EDEM1: variants seen among roughly 807,000 people sequenced by gnomAD.
EDEM1 encodes the protein ER degradation-enhancing alpha-mannosidase-like protein 1.
Under a neutral mutation model 74.4 loss-of-function variants are expected in EDEM1, and 67 were observed. The observed-to-expected ratio is 0.90, with a 90% CI of 0.74 to 1.10. The LOEUF (loss-of-function observed/expected upper bound fraction) is 1.10, where lower values mean the gene tolerates loss of function less well. Ranked by LOEUF, EDEM1 falls within the 50% of genes least tolerant of loss-of-function variation. EDEM1 has a pLI of 0.00. For synonymous variants in EDEM1, 382 were observed against 335.9 expected (o/e 1.14, Z -1.50); for missense variants, 926 against 851.6 (o/e 1.09, Z -1.09).
intron 8 of EDEM1, among the ~76,000 whole-genome samples, chr3:5,209,466 T>G (rs2055140601): frequency 1.3e-5 from 2 of 152,336 alleles, no homozygotes; most frequent in South Asian, 4.1e-4. Context: ...CTTGCACTCT[T>G]CAGCTTTACC....
In EDEM1 at chr3:5,213,373, A is replaced by C. The variant is rs2055190885; in HGVS notation, c.1735A>C (p.Thr579Pro). The C allele has an allele frequency of 6.2e-7, 1 of 1,614,126 alleles. No homozygotes were observed. Among genetic ancestry groups the C allele is most frequent in the Non-Finnish European group, 8.5e-7 (1 of 1,180,002 alleles). ...HKSGTRYMFT[T>P]EGHIVSVDEH... Reference sequence around the variant, plus strand: ...GTCTGGAACCAGATACATGTTCACAACAGAGGGACACATTGTATCTGTGGA... The same window carrying C: ...GTCTGGAACCAGATACATGTTCACACCAGAGGGACACATTGTATCTGTGGA... Residue 579 changes from threonine to proline, a missense_variant, in exon 11 of 12, where the codon ACA becomes CCA. Physicochemically the swap from Thr to Pro is conservative, Grantham distance 38. Coordinates refer to ENST00000256497, the MANE Select transcript of EDEM1 (RefSeq NM_014674.3).
intron 6 of EDEM1, among the ~76,000 whole-genome samples, chr3:5,205,672 T>C (rs1362315664): frequency 1.3e-5 from 2 of 152,248 alleles, no homozygotes; most frequent in African/African-American, 4.8e-5. Context: ...AGGGCTCAGT[T>C]CTTTGCCAAG....
In EDEM1 at chr3:5,188,936, C is replaced by T. The variant is rs552654397; in HGVS notation, c.509+622C>T. On this transcript the variant is annotated intron_variant, in intron 1 of 11. Transcript: ENST00000256497. Reference sequence around the variant, plus strand: ...AGCTATGTGGCCCACTTTTGGGGTCCAGATACTTGAGGTGAAATTCACTGG... The same window carrying T: ...AGCTATGTGGCCCACTTTTGGGGTCTAGATACTTGAGGTGAAATTCACTGG... 8.5e-5 allele frequency among the ~76,000 whole-genome samples: 13 copies of T among 152,266 alleles called. No individual in the cohort carries two copies. In the South Asian group the frequency reaches 2.7e-3, roughly 32 times the overall value.
At chr3:5,193,193 G>A (rs1430653200) in intron 1 of EDEM1, among the ~76,000 whole-genome samples, 1 of 152,156 alleles carries the variant, frequency 6.6e-6, no homozygotes, top group Non-Finnish European at 1.5e-5. Context: ...GCTACATGAT[G>A]AGGGAGCTGT....
rs572817364 is a variant in EDEM1 at position 5,202,295 on chromosome 3, C to T, written c.858+371C>T. 2.6e-5 allele frequency among the ~76,000 whole-genome samples: 4 copies of T among 152,350 alleles called. No individual in the cohort carries two copies. The South Asian group carries it at 8.3e-4, about 32-fold the overall frequency. ...GGGTCTGTTTTCCCAGAGATCCTCACATGGGTATTGCGGGAGCTCAGTGAG... is the reference window on the plus strand; with the variant it reads ...GGGTCTGTTTTCCCAGAGATCCTCATATGGGTATTGCGGGAGCTCAGTGAG... On this transcript the variant is annotated intron_variant, in intron 4 of 11. Transcript: ENST00000256497.
intron 11 of EDEM1, among the ~76,000 whole-genome samples, chr3:5,215,430 G>C (rs56205051): frequency 0.11 from 16,250 of 152,244 alleles, 968 homozygotes; most frequent in Non-Finnish European, 0.13. Context: ...GGCGGACTAA[G>C]GACCCCAGGG....
intron 2 of EDEM1, among the ~76,000 whole-genome samples, chr3:5,196,638 T>A (rs1024043388): frequency 2.0e-5 from 3 of 152,324 alleles, no homozygotes; most frequent in Admixed American, 2.0e-4. Context: ...CTTGGTCTAA[T>A]AGGAAATCTG....
At chr3:5,190,015 CTTCAT>C (rs2054882453) in intron 1 of EDEM1, among the ~76,000 whole-genome samples, 1 of 150,756 alleles carries the variant, frequency 6.6e-6, no homozygotes, top group African/African-American at 2.5e-5. Flanking sequence ...GGGGGATAAA[CTTCAT>C]TTAATTGTGG....
At chr3:5,195,355 G>C in intron 2 of EDEM1, 74 bp downstream of exon 2, 1 of 885,702 alleles carries the variant, frequency 1.1e-6, no homozygotes. Context: ...CCCTCCAGCA[G>C]TGGGAATTCC....
At chr3:5,210,800 T>C (rs1439986014) in intron 9 of EDEM1, among the ~76,000 whole-genome samples, 1 of 152,160 alleles carries the variant, frequency 6.6e-6, no homozygotes, top group Non-Finnish European at 1.5e-5. Context: ...TCTACAAGTA[T>C]TAGGACTAGA....
chr3:5,198,662 CTTTTTTTT>C (rs57260414), intron 2 of EDEM1, among the ~76,000 whole-genome samples: 7 of 75,160 alleles, frequency 9.3e-5, no homozygotes, highest in Non-Finnish European at 1.9e-4. Flanking sequence ...ACGTATATAG[CTTTTTTTT>C]TTTTTTTTTT....
chr3:5,195,278 TGCAGTAAGTGTTC>T lies in EDEM1; in HGVS notation c.580_582+10del. The T allele has an allele frequency of 6.5e-7, 1 of 1,548,796 alleles. No individual in the cohort carries two copies. The highest frequency in any genetic ancestry group is 8.7e-7 in the Non-Finnish European group (1 of 1,144,874). On this transcript the variant is annotated splice_donor_variant and splice_donor_5th_base_variant and coding_sequence_variant and intron_variant, in exon 2 of 12. Transcript: ENST00000256497. LOFTEE classifies it high-confidence loss of function. ...CTCTTGTTGATGCATTGGATACACT[TGCAGTAAGTGTTC>T]ACCTTTTTTTAAAAAAATGAATTAA...
In EDEM1 at chr3:5,201,837, T is replaced by A. The variant is rs752614891; in HGVS notation, c.771T>A (p.Asp257Glu). The change falls in exon 4 of 12, where the codon GAT (aspartate) becomes GAA (glutamate). Residue 257 changes from aspartate to glutamate, a missense_variant. Physicochemically the swap from Asp to Glu is conservative, Grantham distance 45. Transcript: ENST00000256497. ...PFGDMTIKDYDNELLYMAHDL... is the reference protein window; with the variant it reads ...PFGDMTIKDYENELLYMAHDL... ...GTGACATGACAATTAAGGACTATGA[T>A]AATGAGTTGTTATACATGGCCCATG... 3.1e-6 allele frequency: 5 copies of A among 1,614,094 alleles called. No homozygotes were observed. The highest frequency in any genetic ancestry group is 4.2e-6 in the Non-Finnish European group (5 of 1,180,050).
chr3:5,213,547 T>G, intron 11 of EDEM1, 25 bp downstream of exon 11: 8 of 1,583,118 alleles, frequency 5.1e-6, no homozygotes, highest in Non-Finnish European at 6.9e-6. Flanking sequence ...CCAGGGGTGA[T>G]TTGCATATAG....
rs1211034668 is a variant in EDEM1 at position 5,218,700 on chromosome 3, C to A, written c.*2782C>A. ...GCATAATTCTCTCATAACAAACTTT[C>A]AAATCATTACAGTAGCTTAGCTACT... On this transcript the variant is annotated 3_prime_UTR_variant, in exon 12 of 12. Transcript: ENST00000256497. 1 of 151,842 alleles carries A rather than the reference C, an allele frequency of 6.6e-6. No individual in the cohort carries two copies. The highest frequency in any genetic ancestry group is 1.5e-5 in the Non-Finnish European group (1 of 68,048). The allele number at this position is 151,842 out of a possible 1,614,324, so 9.4% of individuals were successfully genotyped here.
intron 1 of EDEM1, 122 bp downstream of exon 1, chr3:5,188,436 A>AGCGCTCCCGCGCC (rs1575581359): frequency 2.6e-6 from 3 of 1,140,190 alleles, no homozygotes; most frequent in Non-Finnish European, 1.1e-6. Context: ...GGTCCCGGGC[A>AGCGCTCCCGCGCC]GCGCTCCCGC....
Position 5,201,926 on chromosome 3 carries a change from T to C in EDEM1, c.858+2T>C, listed in dbSNP as rs530796335. ...AAGACAGGGATTCCATATCCTCGGGTGGGTAGACTGGTTTGACCCTTTGTG... is the reference window on the plus strand; with the variant it reads ...AAGACAGGGATTCCATATCCTCGGGCGGGTAGACTGGTTTGACCCTTTGTG... On this transcript the variant is annotated splice_donor_variant, in intron 4 of 11. Transcript: ENST00000256497. LOFTEE classifies it high-confidence loss of function. 6.2e-7 allele frequency: 1 copy of C among 1,611,692 alleles called. No homozygotes were observed. Among genetic ancestry groups the C allele is most frequent in the East Asian group, 2.2e-5 (1 of 44,860 alleles).
At chr3:5,192,492 G>A (rs367707610) in intron 1 of EDEM1, among the ~76,000 whole-genome samples, 50 of 152,366 alleles carry the variant, frequency 3.3e-4, no homozygotes, top group Non-Finnish European at 6.0e-4. Flanking sequence ...AAAATTTACA[G>A]TGGGGTGAAT....
Position 5,213,402 on chromosome 3 carries a change from G to C in EDEM1, c.1764G>C (p.Glu588Asp), listed in dbSNP as rs145916211. Residue 588 changes from glutamate (E) to aspartate (D), a missense_variant, in exon 11 of 12, where the codon GAG becomes GAC. Glu to Asp is a conservative substitution (Grantham distance 45). Transcript: ENST00000256497. ...TTEGHIVSVDEHLRELPWKEF... is the reference protein window; with the variant it reads ...TTEGHIVSVDDHLRELPWKEF... ...AGGGACACATTGTATCTGTGGATGA[G>C]CATCTTCGGGAATTGCCATGGAAGG... 6.2e-7 allele frequency: 1 copy of C among 1,614,034 alleles called. No individual in the cohort carries two copies. The highest frequency in any genetic ancestry group is 8.5e-7 in the Non-Finnish European group (1 of 1,180,028).
Sources: allele counts gnomAD v4.1 joint callset (sites outside exome capture counted in the v4.1 genomes callset), GRCh38; gene constraint gnomAD v4.1.1; transcripts MANE v1.5; gene names NCBI Gene and HGNC (gene_info 2026-07-23, HGNC 2026-07-21).